Variants in PIP observed in about 807,000 individuals in gnomAD.
PIP encodes the protein prolactin-inducible protein.
In PIP, 9 loss-of-function variants were observed where a neutral mutation model predicts 12.8. The observed-to-expected ratio is 0.70, with a 90% CI of 0.42 to 1.23. The LOEUF (loss-of-function observed/expected upper bound fraction) is 1.23, where lower values mean the gene tolerates loss of function less well. Among genes scored for constraint, PIP ranks in the 50% most tolerant of loss-of-function variants. The probability of loss-of-function intolerance (pLI) is 0.00; values close to 1 mark genes in which losing one functional copy is unlikely to be tolerated. For missense variants in PIP, 172 were observed against 179.5 expected, an observed-to-expected ratio of 0.96 and a Z score of 0.24; for synonymous variants, 60 against 66.1, an observed-to-expected ratio of 0.91 and a Z score of 0.45.
Position 143,139,203 on chromosome 7 carries a change from T to C in PIP, c.316+14T>C, listed in dbSNP as rs1340676858. The C allele has an allele frequency of 2.8e-6, 4 of 1,433,040 alleles. No individual in the cohort carries two copies. The highest frequency in any genetic ancestry group is 3.9e-6 in the Non-Finnish European group (4 of 1,014,372). The allele number at this position is 1,433,040 out of a possible 1,614,324, so 88.8% of individuals were successfully genotyped here. On this transcript the variant is annotated intron_variant, in intron 3 of 3. Coordinates refer to ENST00000291009, the MANE Select transcript of PIP (RefSeq NM_002652.3). ...TTTACACCAACAGTAAGTACAGAAGTTGTCCAAGGAGGGAACTACCCACCA... is the reference window on the plus strand; with the variant it reads ...TTTACACCAACAGTAAGTACAGAAGCTGTCCAAGGAGGGAACTACCCACCA...
chr7:143,136,384 G>A (rs1403955732), intron 2 of PIP, among the ~76,000 whole-genome samples: 2 of 152,024 alleles, frequency 1.3e-5, no homozygotes. Flanking sequence ...AAACAACATT[G>A]AGAACATGAA....
intron 2 of PIP, among the ~76,000 whole-genome samples, chr7:143,136,119 A>G (rs2116569712): frequency 6.6e-6 from 1 of 152,074 alleles, no homozygotes; most frequent in East Asian, 1.9e-4. Context: ...AGACTTATGC[A>G]GTTATTAATC....
intron 1 of PIP, among the ~76,000 whole-genome samples, chr7:143,133,656 T>C (rs576005382): frequency 2.6e-5 from 4 of 152,106 alleles, no homozygotes; most frequent in African/African-American, 9.6e-5. Context: ...TAGAGTAGTA[T>C]CTAAAGTTCC....
chr7:143,132,634 G>C (rs1799255395), intron 1 of PIP, among the ~76,000 whole-genome samples: 1 of 152,094 alleles, frequency 6.6e-6, no homozygotes, highest in African/African-American at 2.4e-5. Flanking sequence ...TGGCAGGACT[G>C]GCTAAAGGAC....
In PIP at chr7:143,137,622, G is replaced by A. The variant is rs1025145614; in HGVS notation, c.202-1453G>A. Among the ~76,000 whole-genome samples the A allele has an allele frequency of 9.2e-5, 14 of 152,042 alleles. 1 individual carries two copies. The highest frequency in any genetic ancestry group is 1.8e-4 in the Non-Finnish European group (12 of 67,984). On this transcript the variant is annotated intron_variant, in intron 2 of 3. Coordinates refer to ENST00000291009, the MANE Select transcript of PIP (RefSeq NM_002652.3). ...ATGTAACAGAAAGGTAAACAAGGCC[G>A]GGCACAGTGGCTTGTGCCTGTAATC... is the stretch of plus-strand genomic sequence containing the variant.
At position 143,139,074 on chromosome 7, in the gene PIP, G is replaced by A. The variant is rs1200495008; in HGVS notation, c.202-1G>A. Reference sequence around the variant, plus strand: ...TCCCCCTCCCACCTTCTCCTCACCAGGTTAAAACTTACCTCATTAGCAGCA... The same window carrying A: ...TCCCCCTCCCACCTTCTCCTCACCAAGTTAAAACTTACCTCATTAGCAGCA... On this transcript the variant is annotated splice_acceptor_variant, in intron 2 of 3. Transcript: ENST00000291009. LOFTEE classifies it high-confidence loss of function. 2 of 1,446,306 alleles carry A rather than the reference G, an allele frequency of 1.4e-6. No homozygotes were observed. The highest frequency in any genetic ancestry group is 1.9e-6 in the Non-Finnish European group (2 of 1,025,894). 89.6% of individuals were successfully genotyped at this position (1,446,306 alleles called of 1,614,324 possible).
chr7:143,134,233 T>TATATATATATATATAAAA (rs1277832613), intron 1 of PIP, among the ~76,000 whole-genome samples: 1 of 86,374 alleles, frequency 1.2e-5, no homozygotes, highest in African/African-American at 4.6e-5. Context: ...TATATATATA[T>TATATATATATATATAAAA]ACCACAGTTT....
intron 2 of PIP, among the ~76,000 whole-genome samples, chr7:143,137,561 G>C (rs1050305779): frequency 3.9e-5 from 6 of 152,086 alleles, no homozygotes; most frequent in African/African-American, 1.4e-4. Context: ...TGTACAAGTG[G>C]TGTAAATTCT....
At chr7:143,134,224 ATATATATATACC>A (rs1563015852) in intron 1 of PIP, among the ~76,000 whole-genome samples, 20 of 102,456 alleles carry the variant, frequency 2.0e-4, no homozygotes, top group African/African-American at 3.1e-4. Flanking sequence ...ATATATATAT[ATATATATATACC>A]ACAGTTTCTT....
At chr7:143,134,233 T>TATATATATATATA (rs1277832613) in intron 1 of PIP, among the ~76,000 whole-genome samples, 1 of 86,374 alleles carries the variant, frequency 1.2e-5, no homozygotes, top group African/African-American at 4.6e-5. Flanking sequence ...TATATATATA[T>TATATATATATATA]ACCACAGTTT....
At chr7:143,138,360 A>C (rs1180162214) in intron 2 of PIP, among the ~76,000 whole-genome samples, 1 of 152,116 alleles carries the variant, frequency 6.6e-6, no homozygotes, top group Admixed American at 6.6e-5. Flanking sequence ...TGCTATCCAC[A>C]GATCCCTCTG....
chr7:143,136,754 T>A (rs1017173056), intron 2 of PIP, among the ~76,000 whole-genome samples: 1 of 151,990 alleles, frequency 6.6e-6, no homozygotes, highest in Non-Finnish European at 1.5e-5. Context: ...GCTTTTGTGA[T>A]TAATAAAAGT....
intron 2 of PIP, among the ~76,000 whole-genome samples, chr7:143,137,544 C>A (rs764596939): frequency 2.6e-5 from 4 of 152,072 alleles, no homozygotes; most frequent in Non-Finnish European, 5.9e-5. Context: ...GGATTCTGAT[C>A]TTTTATTGTA....
rs970523466 is a variant in PIP at position 143,139,328 on chromosome 7, G to A, written c.316+139G>A. The A allele has an allele frequency of 4.6e-5, 38 of 820,128 alleles. 1 individual carries two copies. The Middle Eastern group carries it at 6.8e-4, about 15-fold the overall frequency. The allele number at this position is 820,128 out of a possible 1,614,324, so 50.8% of individuals were successfully genotyped here. ...ACAGAAGGGAGGGAGGGAAGAGCAT[G>A]GGGAGAGCAGATGGGGAAAGCACCC... is the stretch of plus-strand genomic sequence containing the variant. On this transcript the variant is annotated intron_variant, in intron 3 of 3. Transcript: ENST00000291009.
intron 2 of PIP, 63 bp downstream of exon 2, chr7:143,135,362 T>A: frequency 1.3e-6 from 1 of 750,282 alleles, no homozygotes; most frequent in African/African-American, 1.7e-5. Flanking sequence ...ATAAACATAA[T>A]TTAATCTCTC....
At chr7:143,133,448 G>A (rs987161425) in intron 1 of PIP, among the ~76,000 whole-genome samples, 2 of 152,100 alleles carry the variant, frequency 1.3e-5, no homozygotes, top group African/African-American at 2.4e-5. Flanking sequence ...AAATGGGGCT[G>A]TGAGACACTG....
intron 2 of PIP, among the ~76,000 whole-genome samples, chr7:143,137,866 C>CT (rs952387327): frequency 1.3e-5 from 2 of 151,068 alleles, no homozygotes; most frequent in Non-Finnish European, 3.0e-5. Flanking sequence ...CACCATTGCA[C>CT]TCCAGCCTGG....
intron 2 of PIP, among the ~76,000 whole-genome samples, chr7:143,137,732 T>C (rs113118990): frequency 1.1e-3 from 167 of 151,976 alleles, no homozygotes; most frequent in African/African-American, 3.6e-3. Context: ...AAACCCTGTC[T>C]CTACTAAAAA....
chr7:143,135,464 G>A (rs1799299599), intron 2 of PIP, among the ~76,000 whole-genome samples, 165 bp downstream of exon 2: 1 of 152,122 alleles, frequency 6.6e-6, no homozygotes. Flanking sequence ...TGGGACAGAT[G>A]ACTTCTCATT....
Sources: allele counts gnomAD v4.1 joint callset (sites outside exome capture counted in the v4.1 genomes callset), GRCh38; gene constraint gnomAD v4.1.1; transcripts MANE v1.5; gene names NCBI Gene and HGNC (gene_info 2026-07-23, HGNC 2026-07-21).